THBS4: variants seen among roughly 807,000 people sequenced by gnomAD.
THBS4 encodes thrombospondin 4.
Under a neutral mutation model 115.7 loss-of-function variants are expected in THBS4, and 90 were observed. The ratio of observed to expected loss-of-function variants is 0.78; its 90% confidence interval spans 0.66 to 0.93. The LOEUF (loss-of-function observed/expected upper bound fraction) is 0.93, where lower values mean the gene tolerates loss of function less well. Among genes scored for constraint, THBS4 ranks in the 40% least tolerant of loss-of-function variants. The pLI, the probability that THBS4 is intolerant of heterozygous loss-of-function variation, is 0.00. For missense variants in THBS4, 1,087 were observed against 1,232.7 expected, an observed-to-expected ratio of 0.88 and a Z score of 1.77; for synonymous variants, 460 against 479.3, an observed-to-expected ratio of 0.96 and a Z score of 0.53.
chr5:80,075,900 A>G (rs993291409), intron 15 of THBS4: 9 of 152,348 alleles, frequency 5.9e-5, no homozygotes, highest in African/African-American at 2.2e-4. Flanking sequence ...CCCCTGTACC[A>G]TGTGGTAGGT....
intron 2 of THBS4, among the ~76,000 whole-genome samples, chr5:80,024,050 A>T (rs1277530011): frequency 6.6e-6 from 1 of 152,018 alleles, no homozygotes; most frequent in African/African-American, 2.4e-5. Flanking sequence ...CCATCTCCAA[A>T]CCATAGCACC....
intron 2 of THBS4, among the ~76,000 whole-genome samples, chr5:80,023,705 G>A (rs1159383160): frequency 6.6e-6 from 1 of 152,056 alleles, no homozygotes; most frequent in African/African-American, 2.4e-5. Flanking sequence ...TGATTGTGGT[G>A]GCTGAAAAGT....
chr5:80,031,398 G>C (rs1832584323), upstream of THBS4, among the ~76,000 whole-genome samples: 1 of 152,150 alleles, frequency 6.6e-6, no homozygotes, highest in African/African-American at 2.4e-5. Flanking sequence ...CAAAAATTAA[G>C]TCATACTCTG....
At chr5:80,055,391 T>C (rs1215176621) in intron 2 of THBS4, among the ~76,000 whole-genome samples, 2 of 152,060 alleles carry the variant, frequency 1.3e-5, no homozygotes, top group Non-Finnish European at 2.9e-5. Context: ...CCCATGGTAG[T>C]GCTCAGCAAG....
At chr5:80,027,035 A>C (rs768771471) in intron 2 of THBS4, among the ~76,000 whole-genome samples, 7 of 152,232 alleles carry the variant, frequency 4.6e-5, no homozygotes, top group Non-Finnish European at 8.8e-5. Flanking sequence ...TGCAGCAGCC[A>C]CTAACAAAGA....
At chr5:80,022,306 A>C (rs1343941739) in intron 2 of THBS4, among the ~76,000 whole-genome samples, 2 of 152,146 alleles carry the variant, frequency 1.3e-5, no homozygotes, top group African/African-American at 4.8e-5. Context: ...GTTTTTAGTT[A>C]TTTTCACTGG....
At chr5:80,018,566 T>C (rs1832298384) in intron 2 of THBS4, among the ~76,000 whole-genome samples, 1 of 151,902 alleles carries the variant, frequency 6.6e-6, no homozygotes, top group South Asian at 2.1e-4. Context: ...GGCTAATTTT[T>C]GTACTTTTAG....
intron 2 of THBS4, among the ~76,000 whole-genome samples, chr5:80,013,282 G>A (rs2151155391): frequency 6.6e-6 from 1 of 152,074 alleles, no homozygotes; most frequent in African/African-American, 2.4e-5. Flanking sequence ...TGGGATTACA[G>A]GTGCCCACCA....
chr5:80,063,501 A>T (rs984029021), intron 8 of THBS4, among the ~76,000 whole-genome samples: 3 of 152,164 alleles, frequency 2.0e-5, no homozygotes, highest in Admixed American at 6.5e-5. Flanking sequence ...GTTCACTCTG[A>T]TGGTAGTTTC....
intron 2 of THBS4, among the ~76,000 whole-genome samples, chr5:80,011,921 G>T (rs992326073): frequency 5.3e-5 from 8 of 152,092 alleles, no homozygotes; most frequent in African/African-American, 1.9e-4. Flanking sequence ...AACAGTAATT[G>T]TATTGACCCA....
At position 79,997,923 on chromosome 5, in the gene THBS4, A is replaced by G. The variant is rs1831827793; in HGVS notation, n.82-409A>G. 2.0e-5 allele frequency among the ~76,000 whole-genome samples: 3 copies of G among 152,346 alleles called. No individual in the cohort carries two copies. In the South Asian group the frequency reaches 6.2e-4, roughly 32 times the overall value. ...GGGTCAGAGAGGAAGTGTCAACAGA[A>G]AAGAAATATATACAATTGATAATAA... On this transcript the variant is annotated intron_variant and non_coding_transcript_variant, in intron 1 of 3. Coordinates refer to the THBS4 transcript ENST00000510218.
rs1159986888 is a variant in THBS4 at position 80,027,894 on chromosome 5, CAAAAAAAAAAAA to C, written n.178-12172_178-12161del. Among the ~76,000 whole-genome samples, 253 of 47,724 alleles carry C rather than the reference CAAAAAAAAAAAA, an allele frequency of 5.3e-3. 2 individuals are homozygous for C. In the South Asian group the frequency reaches 0.072, roughly 14 times the overall value. The allele number at this position is 47,724 out of a possible 152,430, so 31.3% of individuals were successfully genotyped here. A position where few individuals can be genotyped will look rare whatever the true frequency, so the allele number is the denominator to read the frequency against. On this transcript the variant is annotated intron_variant and non_coding_transcript_variant, in intron 2 of 3. Transcript: ENST00000510218. ...GGGTGACAGAGTGAGACCCTGTCTC[CAAAAAAAAAAAA>C]AAAAAAAAAAGGAAGAAAAAACCTA...
intron 2 of THBS4, among the ~76,000 whole-genome samples, chr5:80,027,168 C>T (rs1202776480): frequency 6.6e-6 from 1 of 152,202 alleles, no homozygotes; most frequent in Non-Finnish European, 1.5e-5. Context: ...TGTTACTTTT[C>T]CACCTTCCTG....
At chr5:80,015,353 C>T (rs928737864) in intron 2 of THBS4, among the ~76,000 whole-genome samples, 5 of 152,038 alleles carry the variant, frequency 3.3e-5, no homozygotes, top group Non-Finnish European at 5.9e-5. Context: ...GTGAGTATGC[C>T]CTTGTGGGGC....
Position 80,078,061 on chromosome 5 carries a change from G to A in THBS4, c.2099G>A (p.Gly700Glu), listed in dbSNP as rs1480764404. ...AQEDSNSDGV[G>E]DICESDFDQD... is the part of the protein sequence containing the mutation. The stretch of plus-strand genomic sequence containing the variant: ...CCACCCCACTCAGGCGACGGAGTGG[G>A]AGACATCTGTGAGTCTGACTTTGAC... Residue 700 changes from glycine to glutamate, a missense_variant, in exon 17 of 22, where the codon GGA (glycine) becomes GAA (glutamate). Transcript: ENST00000350881. 1 of 1,588,446 alleles carries A rather than the reference G, an allele frequency of 6.3e-7. No homozygotes were observed. The highest frequency in any genetic ancestry group is 1.3e-5 in the African/African-American group (1 of 74,372).
At chr5:80,055,276 C>T (rs1580954251) in intron 2 of THBS4, among the ~76,000 whole-genome samples, 2 of 151,098 alleles carry the variant, frequency 1.3e-5, no homozygotes, top group Admixed American at 1.3e-4. Flanking sequence ...GAGCTGAGAT[C>T]GTCCCACTGC....
At chr5:80,028,175 C>T (rs1459359787) in intron 2 of THBS4, among the ~76,000 whole-genome samples, 3 of 152,048 alleles carry the variant, frequency 2.0e-5, no homozygotes, top group Non-Finnish European at 4.4e-5. Context: ...CACAGCAAGA[C>T]ATCCCCACCC....
chr5:80,074,109 A>G (rs757764939), intron 15 of THBS4, among the ~76,000 whole-genome samples: 7 of 152,240 alleles, frequency 4.6e-5, no homozygotes, highest in African/African-American at 1.2e-4. Context: ...TGTTATATAC[A>G]TAGCACTCAA....
At chr5:80,053,406 C>CTT (rs5869016) in intron 2 of THBS4, among the ~76,000 whole-genome samples, 1 of 144,640 alleles carries the variant, frequency 6.9e-6, no homozygotes, top group Non-Finnish European at 1.5e-5. Flanking sequence ...CTTGGTGCTG[C>CTT]TTTTTTTTTT....
Sources: gnomAD v4.1 joint callset for allele counts (sites outside exome capture counted in the v4.1 genomes callset) on GRCh38, gnomAD v4.1.1 for gene constraint, MANE v1.5 for transcripts, NCBI Gene and HGNC (gene_info 2026-07-23, HGNC 2026-07-21) for gene names.